MEIS1: variants seen among roughly 807,000 people sequenced by gnomAD.
MEIS1 encodes the protein homeobox protein Meis1.
MEIS1 carries 5 observed loss-of-function variants against 50.8 expected under a neutral mutation model. The ratio of observed to expected loss-of-function variants is 0.10; its 90% CI spans 0.05 to 0.21. The LOEUF is 0.21. Among genes scored for constraint, MEIS1 ranks in the 10% least tolerant of loss-of-function variants. The probability of loss-of-function intolerance (pLI) is 1.00; values close to 1 mark genes in which losing one functional copy is unlikely to be tolerated. For missense variants in MEIS1, 318 were observed against 517.3 expected (o/e 0.61, Z 3.74); for synonymous variants, 176 against 179.3 (o/e 0.98, Z 0.15).
At chr2:66,447,759 A>T (rs940743743) in intron 6 of MEIS1, among the ~76,000 whole-genome samples, 11 of 152,200 alleles carry the variant, frequency 7.2e-5, no homozygotes, top group African/African-American at 2.7e-4. Flanking sequence ...GATCACTTAC[A>T]TTGGTAAATG....
intron 12 of MEIS1, 125 bp from the exon 13 acceptor site, chr2:66,571,121 T>C: frequency 3.2e-6 from 3 of 951,822 alleles, no homozygotes; most frequent in Non-Finnish European, 4.6e-6. Context: ...AAAAGAATGC[T>C]TTACAAAACC....
intron 8 of MEIS1, among the ~76,000 whole-genome samples, chr2:66,541,492 A>G (rs1674651207): frequency 6.6e-6 from 1 of 152,196 alleles, no homozygotes; most frequent in African/African-American, 2.4e-5. Flanking sequence ...TTCATGTGCT[A>G]AGGTTACATT....
intron 9 of MEIS1, among the ~76,000 whole-genome samples, chr2:66,560,317 G>A (rs546930493): frequency 3.0e-4 from 45 of 151,870 alleles, no homozygotes; most frequent in African/African-American, 1.0e-3. Context: ...TTAGTGGCTG[G>A]GTGCAGTGTC....
intron 7 of MEIS1, chr2:66,496,223 A>G (rs1439679852): frequency 2.0e-5 from 3 of 152,166 alleles, no homozygotes; most frequent in Admixed American, 6.5e-5. Flanking sequence ...TGACGTCATC[A>G]CTGAAAACCT....
At chr2:66,497,755 T>A (rs1334420817) in intron 7 of MEIS1, among the ~76,000 whole-genome samples, 1 of 152,072 alleles carries the variant, frequency 6.6e-6, no homozygotes, top group African/African-American at 2.4e-5. Context: ...CATAAAAAAT[T>A]AAAACTGCTG....
intron 8 of MEIS1, among the ~76,000 whole-genome samples, chr2:66,544,125 CTT>C (rs1674728508): frequency 6.6e-6 from 1 of 152,176 alleles, no homozygotes. Flanking sequence ...GGAGATTACT[CTT>C]TATCTCTTTT....
At chr2:66,504,683 T>C (rs1479238204) in intron 7 of MEIS1, among the ~76,000 whole-genome samples, 1 of 152,196 alleles carries the variant, frequency 6.6e-6, no homozygotes, top group Non-Finnish European at 1.5e-5. Context: ...TTAAAGTTTG[T>C]GTATTCTTAA....
chr2:66,438,699 A>G (rs897652526), intron 2 of MEIS1, among the ~76,000 whole-genome samples: 2 of 152,236 alleles, frequency 1.3e-5, no homozygotes, highest in Admixed American at 1.3e-4. Context: ...ACCCTGGGCT[A>G]GTAGAATCCT....
At chr2:66,505,475 T>G (rs978040544) in intron 7 of MEIS1, among the ~76,000 whole-genome samples, 3 of 152,194 alleles carry the variant, frequency 2.0e-5, no homozygotes, top group Non-Finnish European at 4.4e-5. Context: ...ATACGATTAC[T>G]TGAAAAAAAA....
chr2:66,536,741 T>C (rs1419741097), intron 8 of MEIS1, among the ~76,000 whole-genome samples: 1 of 152,350 alleles, frequency 6.6e-6, no homozygotes, highest in Non-Finnish European at 1.5e-5. Context: ...GGGTGGAAAA[T>C]GTCTAAAACG....
chr2:66,469,933 T>TAAAA (rs61373145), intron 7 of MEIS1, among the ~76,000 whole-genome samples: 1 of 148,594 alleles, frequency 6.7e-6, no homozygotes, highest in East Asian at 2.0e-4. Flanking sequence ...CAATTTTCTT[T>TAAAA]AAAAAAAAAA....
At chr2:66,439,252 T>A in intron 2 of MEIS1, 1 of 1,042,300 alleles carries the variant, frequency 9.6e-7, no homozygotes, top group Non-Finnish European at 1.2e-6. Context: ...GAGGGGAATG[T>A]GCGTGGAGCT....
intron 7 of MEIS1, among the ~76,000 whole-genome samples, chr2:66,473,397 A>AAATAT: frequency 7.4e-5 from 8 of 107,594 alleles, no homozygotes; most frequent in African/African-American, 2.3e-4. Flanking sequence ...AAAAAAAAAA[A>AAATAT]ATATATATAT....
At chr2:66,562,864 T>G (rs10202505) in intron 9 of MEIS1, among the ~76,000 whole-genome samples, 46 of 152,276 alleles carry the variant, frequency 3.0e-4, no homozygotes, top group African/African-American at 1.1e-3. Context: ...AAAAAGTACT[T>G]CACAAAAGAA....
chr2:66,569,577 A>G (rs1675433808), intron 12 of MEIS1: 1 of 152,924 alleles, frequency 6.5e-6, no homozygotes, highest in Non-Finnish European at 1.5e-5. Flanking sequence ...CTAAACAGAG[A>G]CTTCTTTTAG....
intron 9 of MEIS1, 58 bp downstream of exon 9, chr2:66,548,077 G>C: frequency 6.4e-7 from 1 of 1,554,566 alleles, no homozygotes; most frequent in Non-Finnish European, 8.8e-7. Flanking sequence ...GCAACCTGCA[G>C]CTCATGTTTT....
intron 7 of MEIS1, among the ~76,000 whole-genome samples, chr2:66,466,028 C>G (rs1007026291): frequency 6.6e-6 from 1 of 152,080 alleles, no homozygotes; most frequent in Non-Finnish European, 1.5e-5. Flanking sequence ...GAGTCCAATA[C>G]CTAGTTGTTT....
At chr2:66,479,645 T>G (rs1405316186) in intron 7 of MEIS1, among the ~76,000 whole-genome samples, 3 of 152,200 alleles carry the variant, frequency 2.0e-5, no homozygotes, top group Non-Finnish European at 4.4e-5. Flanking sequence ...ATTAAAAACA[T>G]AAAAGTGTCA....
intron 8 of MEIS1, among the ~76,000 whole-genome samples, chr2:66,536,492 CTT>C (rs977673358): frequency 1.3e-5 from 2 of 152,164 alleles, no homozygotes; most frequent in African/African-American, 4.8e-5. Context: ...ATGTTTTACA[CTT>C]TTGTTATACA....
Sources: allele counts gnomAD v4.1 joint callset (sites outside exome capture counted in the v4.1 genomes callset), GRCh38; gene constraint gnomAD v4.1.1; transcripts MANE v1.5; gene names NCBI Gene and HGNC (gene_info 2026-07-23, HGNC 2026-07-21).